The following YES1 variants were observed in gnomAD, a reference collection of about 807,000 sequenced individuals.
The protein encoded by YES1 is tyrosine-protein kinase Yes.
A neutral mutation model predicts 70.4 loss-of-function variants in YES1; 39 were observed. That is an observed-to-expected ratio of 0.55 (90% CI 0.43 to 0.72). The LOEUF (loss-of-function observed/expected upper bound fraction) is 0.72. Among genes scored for constraint, YES1 ranks in the 30% least tolerant of loss-of-function variants. YES1 has a pLI of 0.00. For synonymous variants in YES1, 198 were observed against 218.6 expected (o/e 0.91, Z 0.83); for missense variants, 495 against 644.8 (o/e 0.77, Z 2.52).
chr18:756,632 AG>A lies in YES1; in HGVS notation c.195del (p.Ser66GlnfsTer3). 6.2e-7 allele frequency: 1 copy of A among 1,614,214 alleles called. No homozygotes were observed. The highest frequency in any genetic ancestry group is 8.5e-7 in the Non-Finnish European group (1 of 1,180,036). On this transcript the variant is annotated frameshift_variant, in exon 2 of 12. Transcript: ENST00000314574. LOFTEE classifies it high-confidence loss of function. ...SSLSMTPFGG[S>X]SGVTPFGGAS... The stretch of plus-strand genomic sequence containing the variant: ...GCACCTCCAAAAGGCGTTACCCCTG[AG>A]GATCCTCCAAATGGTGTCATGGAAA...
At chr18:750,492 T>C (rs1251489631) in intron 3 of YES1, among the ~76,000 whole-genome samples, 6 of 152,196 alleles carry the variant, frequency 3.9e-5, no homozygotes, top group Non-Finnish European at 2.9e-5. Context: ...CACTACTCAC[T>C]AGAAGACAGC....
At chr18:751,645 T>C in intron 3 of YES1, 60 bp downstream of exon 3, 2 of 1,134,538 alleles carry the variant, frequency 1.8e-6, no homozygotes, top group South Asian at 1.3e-5. Context: ...GCTCAGTGGT[T>C]CCTGTGTAAA....
chr18:782,544 TG>T (rs1285790032), intron 1 of YES1, among the ~76,000 whole-genome samples: 1 of 152,228 alleles, frequency 6.6e-6, no homozygotes, highest in Non-Finnish European at 1.5e-5. Context: ...TCAAGAGAAT[TG>T]TTTTACTTAA....
intron 4 of YES1, 73 bp from the exon 5 acceptor site, chr18:746,124 A>G: frequency 1.8e-6 from 2 of 1,082,840 alleles, no homozygotes; most frequent in Non-Finnish European, 2.8e-6. Flanking sequence ...GTCAGTAAGA[A>G]TGGACTGGGA....
Position 777,228 on chromosome 18 carries a change from T to A in YES1, c.-8-20393A>T, listed in dbSNP as rs537303767. Among the ~76,000 whole-genome samples, 339 of 152,312 alleles carry A rather than the reference T, an allele frequency of 2.2e-3. 1 individual carries two copies. The highest frequency in any genetic ancestry group is 3.6e-3 in the Non-Finnish European group (245 of 68,032). On this transcript the variant is annotated intron_variant, in intron 1 of 11. Coordinates refer to ENST00000314574, the MANE Select transcript of YES1 (RefSeq NM_005433.4). ...AGCAACAAGGAACAGAGCCTATGAC[T>A]CAAGGATCTTCTATTTCCTTCTATT...
chr18:768,638 T>A (rs1044634844), intron 1 of YES1, among the ~76,000 whole-genome samples: 11 of 152,154 alleles, frequency 7.2e-5, no homozygotes, highest in African/African-American at 2.7e-4. Flanking sequence ...ATGACGGTGG[T>A]CCCGTAAGAT....
intron 1 of YES1, among the ~76,000 whole-genome samples, chr18:770,663 C>G (rs1394501322): frequency 2.0e-5 from 3 of 152,140 alleles, no homozygotes; most frequent in African/African-American, 7.2e-5. Flanking sequence ...GGCAAAAAGC[C>G]AGGGTGGGTG....
rs1418259847 is a variant in YES1 at position 743,433 on chromosome 18, C to T, written c.725-18G>A. 2 of 1,598,280 alleles carry T rather than the reference C, an allele frequency of 1.3e-6. No homozygotes were observed. Among genetic ancestry groups the T allele is most frequent in the African/African-American group, 2.7e-5 (2 of 74,462 alleles). On this transcript the variant is annotated intron_variant, in intron 6 of 11. Coordinates refer to ENST00000314574, the MANE Select transcript of YES1 (RefSeq NM_005433.4). ...AGCATGTTCTAGATAAATGAATAAA[C>T]TATACTGTAATATCAATTACAAAAA... is the stretch of plus-strand genomic sequence containing the variant.
At chr18:791,096 A>G (rs1362199469) in intron 1 of YES1, among the ~76,000 whole-genome samples, 1 of 151,892 alleles carries the variant, frequency 6.6e-6, no homozygotes, top group Non-Finnish European at 1.5e-5. Flanking sequence ...TTAAAAATAC[A>G]AAAATTAGCC....
chr18:792,553 CT>C (rs1568216889), intron 1 of YES1, among the ~76,000 whole-genome samples: 1,197 of 106,668 alleles, frequency 0.011, 17 homozygotes, highest in Admixed American at 0.054. Context: ...CTCTCTCTCT[CT>C]CCCTCTGTAT....
At chr18:787,986 G>A (rs963137760) in intron 1 of YES1, 1 of 152,162 alleles carries the variant, frequency 6.6e-6, no homozygotes, top group Non-Finnish European at 1.5e-5. Context: ...AGGCATCAAC[G>A]CTGGGAGACA....
intron 1 of YES1, among the ~76,000 whole-genome samples, chr18:759,769 T>C (rs1006867707): frequency 6.6e-6 from 1 of 152,108 alleles, no homozygotes; most frequent in African/African-American, 2.4e-5. Flanking sequence ...AACGTGCAGG[T>C]TACATATGTA....
intron 1 of YES1, among the ~76,000 whole-genome samples, chr18:796,967 G>A (rs192871230): frequency 1.8e-4 from 28 of 152,160 alleles, no homozygotes; most frequent in Admixed American, 1.1e-3. Flanking sequence ...AGAGCTAAAT[G>A]ACTTGTAAGA....
At chr18:764,629 G>A (rs563223872) in intron 1 of YES1, among the ~76,000 whole-genome samples, 3 of 152,332 alleles carry the variant, frequency 2.0e-5, no homozygotes, top group Admixed American at 6.5e-5. Context: ...GGTTCATGCT[G>A]TGAAGTCTGG....
intron 10 of YES1, among the ~76,000 whole-genome samples, chr18:734,556 AAAAAC>A (rs1360613404): frequency 6.6e-6 from 1 of 152,058 alleles, no homozygotes; most frequent in Non-Finnish European, 1.5e-5. Context: ...ACTCCATCTC[AAAAAC>A]AAAACAAAAC....
intron 1 of YES1, among the ~76,000 whole-genome samples, chr18:790,744 A>T (rs923685741): frequency 1.3e-5 from 2 of 152,252 alleles, no homozygotes; most frequent in Admixed American, 1.3e-4. Context: ...AGACCTAAAT[A>T]AAGCAATAAC....
intron 10 of YES1, chr18:735,808 T>C (rs1179457023): frequency 1.3e-5 from 2 of 151,708 alleles, no homozygotes; most frequent in African/African-American, 4.8e-5. Context: ...AGAACTAGTT[T>C]CCCAAAAACT....
intron 1 of YES1, among the ~76,000 whole-genome samples, chr18:795,323 C>T (rs1218562512): frequency 6.6e-6 from 1 of 152,148 alleles, no homozygotes. Context: ...GGTGGGGACA[C>T]GTATACACAC....
At chr18:751,059 T>C (rs1266014082) in intron 3 of YES1, among the ~76,000 whole-genome samples, 2 of 152,158 alleles carry the variant, frequency 1.3e-5, no homozygotes, top group African/African-American at 2.4e-5. Context: ...AGTAGAAGGA[T>C]ATGACCATAT....
Sources: allele counts gnomAD v4.1 joint callset (sites outside exome capture counted in the v4.1 genomes callset), GRCh38; gene constraint gnomAD v4.1.1; transcripts MANE v1.5; gene names NCBI Gene and HGNC (gene_info 2026-07-23, HGNC 2026-07-21).